Variants in NKAIN3 observed in about 807,000 individuals in gnomAD.
NKAIN3 encodes sodium/potassium transporting ATPase interacting 3.
A neutral mutation model predicts 30.2 loss-of-function variants in NKAIN3; 25 were observed. That is an observed-to-expected ratio of 0.83 (90% CI 0.60 to 1.16). NKAIN3 has a LOEUF of 1.16. NKAIN3 is among the 50% of genes most tolerant of loss of function. NKAIN3 has a pLI of 0.00. For synonymous variants in NKAIN3, 91 were observed against 89.6 expected (o/e 1.02, Z -0.09); for missense variants, 225 against 254.1 (o/e 0.89, Z 0.78).
At chr8:62,805,818 A>G (rs1239749063) in intron 4 of NKAIN3, among the ~76,000 whole-genome samples, 57 of 152,332 alleles carry the variant, frequency 3.7e-4, no homozygotes, top group Non-Finnish European at 2.9e-5. Flanking sequence ...TAATTAAACT[A>G]AAGAGCTTCT....
intron 1 of NKAIN3, among the ~76,000 whole-genome samples, chr8:62,571,346 G>A (rs1039703162): frequency 6.6e-6 from 1 of 152,150 alleles, no homozygotes; most frequent in African/African-American, 2.4e-5. Flanking sequence ...ATGATGGCCA[G>A]TCATGAGGTT....
At chr8:62,338,945 C>G (rs961914120) in intron 1 of NKAIN3, among the ~76,000 whole-genome samples, 2 of 152,012 alleles carry the variant, frequency 1.3e-5, no homozygotes, top group Non-Finnish European at 2.9e-5. Flanking sequence ...CACCCAGGAT[C>G]AATCCTTTGC....
At chr8:62,678,511 C>T (rs1342755420) in intron 3 of NKAIN3, among the ~76,000 whole-genome samples, 1 of 152,100 alleles carries the variant, frequency 6.6e-6, no homozygotes. Flanking sequence ...TATCGAATAG[C>T]TTCTTAGATC....
chr8:62,637,014 A>G (rs959528549), intron 3 of NKAIN3, among the ~76,000 whole-genome samples: 3 of 152,108 alleles, frequency 2.0e-5, no homozygotes, highest in African/African-American at 7.2e-5. Flanking sequence ...ATGTATAACT[A>G]CAGCTATCAG....
chr8:62,884,262 T>C (rs1586309010), intron 4 of NKAIN3, among the ~76,000 whole-genome samples: 1 of 61,998 alleles, frequency 1.6e-5, no homozygotes, highest in African/African-American at 5.7e-5. Context: ...TTTTAGAGAA[T>C]TTTTTTTTTT....
At chr8:62,321,237 AT>A (rs893558632) in intron 1 of NKAIN3, among the ~76,000 whole-genome samples, 2 of 151,780 alleles carry the variant, frequency 1.3e-5, no homozygotes, top group African/African-American at 2.4e-5. Flanking sequence ...CATTCATCTA[AT>A]TTTTTTTCAA....
intron 3 of NKAIN3, among the ~76,000 whole-genome samples, chr8:62,610,037 G>A (rs1017088507): frequency 2.0e-5 from 3 of 152,070 alleles, no homozygotes; most frequent in Admixed American, 1.3e-4. Context: ...AGAGATCATG[G>A]TGGTCCAGGT....
intron 2 of NKAIN3, among the ~76,000 whole-genome samples, chr8:62,580,447 T>C (rs1240760292): frequency 6.6e-6 from 1 of 152,182 alleles, no homozygotes; most frequent in African/African-American, 2.4e-5. Context: ...GTAACATACT[T>C]TAAAATGTTC....
intron 1 of NKAIN3, among the ~76,000 whole-genome samples, chr8:62,320,031 A>G (rs979365418): frequency 6.6e-6 from 1 of 152,180 alleles, no homozygotes; most frequent in East Asian, 1.9e-4. Flanking sequence ...TTGGGTGCAT[A>G]TATATTTAGG....
At chr8:62,824,439 A>G (rs1452956022) in intron 4 of NKAIN3, among the ~76,000 whole-genome samples, 1 of 151,966 alleles carries the variant, frequency 6.6e-6, no homozygotes, top group Admixed American at 6.6e-5. Flanking sequence ...GGCAACATAA[A>G]TTTGAATATA....
chr8:62,930,522 G>A (rs111487626), intron 5 of NKAIN3, among the ~76,000 whole-genome samples: 3,008 of 152,142 alleles, frequency 0.02, 90 homozygotes, highest in African/African-American at 0.068. Flanking sequence ...CCAAAGTGCT[G>A]GGATTACAGG....
chr8:62,748,497 T>C (rs1816162434), intron 4 of NKAIN3, among the ~76,000 whole-genome samples: 1 of 152,194 alleles, frequency 6.6e-6, no homozygotes, highest in African/African-American at 2.4e-5. Context: ...CTGTAGTTAA[T>C]GTGAGAGGGG....
chr8:62,419,672 A>G (rs1804570342), intron 1 of NKAIN3, among the ~76,000 whole-genome samples: 1 of 152,252 alleles, frequency 6.6e-6, no homozygotes, highest in African/African-American at 2.4e-5. Context: ...TGGCTACTCT[A>G]TTCATGGTTT....
chr8:62,510,920 G>A (rs889396433), intron 1 of NKAIN3, among the ~76,000 whole-genome samples: 1 of 151,942 alleles, frequency 6.6e-6, no homozygotes, highest in African/African-American at 2.4e-5. Flanking sequence ...CCTTTTCAAG[G>A]TCGTTTGCTG....
chr8:62,456,376 A>C (rs1294018110), intron 1 of NKAIN3, among the ~76,000 whole-genome samples: 1 of 152,060 alleles, frequency 6.6e-6, no homozygotes, highest in African/African-American at 2.4e-5. Context: ...AAAATTAGCC[A>C]GGCGTGGTGG....
chr8:62,345,266 C>CAT (rs1380326456), intron 1 of NKAIN3, among the ~76,000 whole-genome samples: 2 of 149,614 alleles, frequency 1.3e-5, no homozygotes, highest in African/African-American at 2.5e-5. Context: ...TATACACACA[C>CAT]ACACACACAT....
At chr8:62,305,940 G>A (rs1814223237) in intron 1 of NKAIN3, among the ~76,000 whole-genome samples, 1 of 150,524 alleles carries the variant, frequency 6.6e-6, no homozygotes, top group Admixed American at 6.6e-5. Context: ...CTGTTGGCCA[G>A]CATTCAGTGG....
At chr8:62,551,650 G>A (rs1182712577) in intron 1 of NKAIN3, among the ~76,000 whole-genome samples, 1 of 152,174 alleles carries the variant, frequency 6.6e-6, no homozygotes, top group Non-Finnish European at 1.5e-5. Flanking sequence ...GTTGGAAAAT[G>A]AGTTTGTAAT....
At chr8:62,299,164 GA>G (rs997370339) in intron 1 of NKAIN3, among the ~76,000 whole-genome samples, 6 of 151,132 alleles carry the variant, frequency 4.0e-5, no homozygotes, top group African/African-American at 7.3e-5. Flanking sequence ...CTTGTAAACA[GA>G]AAAAAAAATT....
Sources: gnomAD v4.1 joint callset for allele counts (sites outside exome capture counted in the v4.1 genomes callset) on GRCh38, gnomAD v4.1.1 for gene constraint, MANE v1.5 for transcripts, NCBI Gene and HGNC (gene_info 2026-07-23, HGNC 2026-07-21) for gene names.